SLC6A7: variants seen among roughly 807,000 people sequenced by gnomAD.
SLC6A7 encodes sodium-dependent proline transporter.
Under a neutral mutation model 73.1 loss-of-function variants are expected in SLC6A7, and 58 were observed. The ratio of observed to expected loss-of-function variants is 0.79; its 90% CI spans 0.64 to 0.99. SLC6A7 has a LOEUF of 0.99. Ranked by LOEUF, SLC6A7 falls within the 50% of genes least tolerant of loss-of-function variation. The pLI is 0.00. For missense variants in SLC6A7, 783 were observed against 831.4 expected (o/e 0.94, Z 0.72); for synonymous variants, 338 against 338.7 (o/e 1.00, Z 0.02).
At chr5:150,203,809 CGTGTGTGTGTG>C (rs1753521260) in intron 9 of SLC6A7, 30 bp downstream of exon 9, 2 of 1,468,376 alleles carry the variant, frequency 1.4e-6, no homozygotes, top group Non-Finnish European at 1.9e-6. Flanking sequence ...GCAGGCACCC[CGTGTGTGTGTG>C]GTGTGTGTGT....
At chr5:150,203,593 C>T (rs1215788324) in intron 8 of SLC6A7, 74 bp from the exon 9 acceptor site, 3 of 760,500 alleles carry the variant, frequency 3.9e-6, no homozygotes, top group African/African-American at 1.7e-5. Flanking sequence ...TGTAAGTGGC[C>T]GTGTGTGTCT....
intron 5 of SLC6A7, among the ~76,000 whole-genome samples, chr5:150,200,487 C>T (rs1008547933): frequency 7.2e-5 from 11 of 151,870 alleles, no homozygotes; most frequent in Non-Finnish European, 1.3e-4. Flanking sequence ...AGTGAGACTC[C>T]GTCTCAAAAA....
At chr5:150,194,049 G>A (rs535607406) in intron 1 of SLC6A7, among the ~76,000 whole-genome samples, 3 of 152,332 alleles carry the variant, frequency 2.0e-5, no homozygotes, top group African/African-American at 7.2e-5. Flanking sequence ...GTCTAGTGCA[G>A]TGGGCACATA....
rs779330388 is a variant in SLC6A7, at chr5:150,202,413, T to C, written c.925T>C (p.Phe309Leu). Residue 309 changes from phenylalanine (F) to leucine (L), a missense_variant, in exon 7 of 14, where the codon TTT (phenylalanine) becomes CTT (leucine). By Grantham distance (22) the Phe-to-Leu change is conservative (BLOSUM62 0). Transcript: ENST00000230671. ...LGVGFGGLLT[F>L]ASYNTFHQNI... is the part of the protein sequence containing the mutation. Reference sequence around the variant, plus strand: ...TGTGGGCTTCGGGGGGCTCCTCACCTTTGCCTCCTACAACACGTTTCACCA... The same window carrying C: ...TGTGGGCTTCGGGGGGCTCCTCACCCTTGCCTCCTACAACACGTTTCACCA... 1.9e-6 allele frequency: 3 copies of C among 1,614,020 alleles called. No homozygotes were observed. Among genetic ancestry groups the C allele is most frequent in the Non-Finnish European group, 2.5e-6 (3 of 1,179,904 alleles).
intron 1 of SLC6A7, among the ~76,000 whole-genome samples, chr5:150,193,718 A>G (rs562608424): frequency 6.6e-6 from 1 of 152,124 alleles, no homozygotes; most frequent in South Asian, 2.1e-4. Flanking sequence ...TTGTCCTCCT[A>G]TCACCTCTTT....
At position 150,196,766 on chromosome 5, in the gene SLC6A7, C is replaced by A. The variant is rs750296750; in HGVS notation, c.268C>A (p.Leu90Ile). The change falls in exon 3 of 14, where the codon CTC becomes ATC. Residue 90 changes from leucine (L) to isoleucine (I), a missense_variant. Physicochemically the swap from Leu to Ile is conservative, Grantham distance 5. Coordinates refer to ENST00000230671, the MANE Select transcript of SLC6A7 (RefSeq NM_014228.5). ...FLMLAICGIPLFFLELSLGQF... is the reference protein window; with the variant it reads ...FLMLAICGIPIFFLELSLGQF... ...CATGCTGGCCATCTGTGGCATCCCC[C>A]TCTTCTTCCTGGAGCTCTCCCTGGG... 1 of 1,614,114 alleles carries A rather than the reference C, an allele frequency of 6.2e-7. No homozygotes were observed. Among genetic ancestry groups the A allele is most frequent in the Non-Finnish European group, 8.5e-7 (1 of 1,179,948 alleles).
At chr5:150,198,920 C>A (rs1263905294) in intron 4 of SLC6A7, among the ~76,000 whole-genome samples, 1 of 151,848 alleles carries the variant, frequency 6.6e-6, no homozygotes, top group Non-Finnish European at 1.5e-5. Context: ...TCACTACAGT[C>A]TCCCACTGTT....
At chr5:150,190,852 G>T (rs115307583) in intron 1 of SLC6A7, among the ~76,000 whole-genome samples, 3,725 of 152,250 alleles carry the variant, frequency 0.024, 81 homozygotes, top group African/African-American at 0.061. Context: ...CTCCCTCCCC[G>T]CCCCCTTAGC....
intron 12 of SLC6A7, 45 bp downstream of exon 12, chr5:150,204,972 T>A: frequency 7.9e-7 from 1 of 1,260,466 alleles, no homozygotes; most frequent in Non-Finnish European, 1.2e-6. Context: ...GCCCCAGAAT[T>A]GAAAGCGGGA....
rs115021853 is a variant in SLC6A7 at position 150,200,665 on chromosome 5, G to A, written c.724-424G>A. Among the ~76,000 whole-genome samples, 1,168 of 152,254 alleles carry A rather than the reference G, an allele frequency of 7.7e-3. 18 individuals carry two copies. Among genetic ancestry groups the A allele is most frequent in the African/African-American group, 0.027 (1,107 of 41,556 alleles). On this transcript the variant is annotated intron_variant, in intron 5 of 13. Coordinates refer to ENST00000230671, the MANE Select transcript of SLC6A7 (RefSeq NM_014228.5). ...GTAGAAACCATATAGAAAGAGAGAA[G>A]AGGTTATGGTCAAAGCCAAGGCAGT...
In SLC6A7 at chr5:150,196,648, C is replaced by A. The variant is rs773472525; in HGVS notation, c.218-68C>A. 6 of 1,504,578 alleles carry A rather than the reference C, an allele frequency of 4.0e-6. No homozygotes were observed. The African/African-American group carries it at 6.9e-5, about 17-fold the overall frequency. The allele number at this position is 1,504,578 out of a possible 1,614,324, so 93.2% of individuals were successfully genotyped here. A position where few individuals can be genotyped will look rare whatever the true frequency, so the allele number is the denominator to read the frequency against. ...GGGCATCTGCAGGCCAGGGGAGGGGCGGGGCTAGAGCTGGGCTTTTGGGGG... is the reference window on the plus strand; with the variant it reads ...GGGCATCTGCAGGCCAGGGGAGGGGAGGGGCTAGAGCTGGGCTTTTGGGGG... On this transcript the variant is annotated intron_variant, in intron 2 of 13. Transcript: ENST00000230671.
chr5:150,203,239 G>A (rs985399857), intron 8 of SLC6A7, among the ~76,000 whole-genome samples: 3 of 152,194 alleles, frequency 2.0e-5, no homozygotes, highest in African/African-American at 4.8e-5. Context: ...ATGAGTTTCT[G>A]TGCAAGATTG....
intron 10 of SLC6A7, 30 bp downstream of exon 10, chr5:150,204,068 TGGGCGGGA>T (rs2113985001): frequency 6.2e-7 from 1 of 1,605,054 alleles, no homozygotes. Context: ...GGATGGCAGG[TGGGCGGGA>T]CAAGGGCAGA....
chr5:150,198,811 GGTGT>G (rs774414750), intron 4 of SLC6A7, among the ~76,000 whole-genome samples: 3,785 of 111,830 alleles, frequency 0.034, 79 homozygotes, highest in African/African-American at 0.082. Flanking sequence ...GGCCCTGGAT[GGTGT>G]GTGTGTGTGT....
At position 150,198,110 on chromosome 5, in the gene SLC6A7, AGAAAG is replaced by A. The variant is rs1224676877; in HGVS notation, c.584+835_584+839del. On this transcript the variant is annotated intron_variant, in intron 4 of 13. Transcript: ENST00000230671. Reference sequence around the variant, plus strand: ...AAGAAAGAAAGAAAGAAAGAAAGAAAGAAAGAGAAAGAAAGAAAGAAAGAAAGAAA... The same window carrying A: ...AAGAAAGAAAGAAAGAAAGAAAGAAAAGAAAGAAAGAAAGAAAGAAAGAAA... Among the ~76,000 whole-genome samples, 22 of 93,612 alleles carry A rather than the reference AGAAAG, an allele frequency of 2.4e-4. No homozygotes were observed. The East Asian group carries it at 5.3e-3, about 23-fold the overall frequency. The allele number at this position is 93,612 out of a possible 152,430, so 61.4% of individuals were successfully genotyped here.
At chr5:150,199,182 G>T in intron 4 of SLC6A7, 46 bp from the exon 5 acceptor site, 2 of 1,528,790 alleles carry the variant, frequency 1.3e-6, no homozygotes, top group East Asian at 2.3e-5. Context: ...TGTCTGTGGA[G>T]CCTGGTGGGG....
intron 5 of SLC6A7, among the ~76,000 whole-genome samples, chr5:150,199,773 G>A (rs942045902): frequency 3.3e-5 from 5 of 152,176 alleles, no homozygotes; most frequent in African/African-American, 1.2e-4. Flanking sequence ...GCACAGCTGG[G>A]TCTAGGGGTT....
At chr5:150,191,620 C>T (rs1241351211) in intron 1 of SLC6A7, among the ~76,000 whole-genome samples, 6 of 152,114 alleles carry the variant, frequency 3.9e-5, no homozygotes, top group East Asian at 3.9e-4. Context: ...TTAGTAGAGA[C>T]GGGGTTTCAC....
chr5:150,197,299 G>C, intron 4 of SLC6A7, 23 bp downstream of exon 4: 1 of 1,489,592 alleles, frequency 6.7e-7, no homozygotes, highest in South Asian at 1.2e-5. Context: ...CTGGCCCCGC[G>C]GCATCTGAGG....
Sources: gnomAD v4.1 joint callset for allele counts (sites outside exome capture counted in the v4.1 genomes callset) on GRCh38, gnomAD v4.1.1 for gene constraint, MANE v1.5 for transcripts, NCBI Gene and HGNC (gene_info 2026-07-23, HGNC 2026-07-21) for gene names.